ANTXR2: variants seen among roughly 807,000 people sequenced by gnomAD.
ANTXR2 encodes anthrax toxin receptor 2.
A neutral mutation model predicts 73.7 loss-of-function variants in ANTXR2; 44 were observed. The observed-to-expected ratio is 0.60, with a 90% CI of 0.47 to 0.77. The LOEUF is 0.77. Ranked by LOEUF, ANTXR2 falls within the 30% of genes least tolerant of loss-of-function variation. The probability of loss-of-function intolerance (pLI) is 0.00; values close to 1 mark genes in which losing one functional copy is unlikely to be tolerated. For synonymous variants in ANTXR2, 217 were observed against 205.9 expected, an observed-to-expected ratio of 1.05 and a Z score of -0.46; for missense variants, 604 against 592.5, an observed-to-expected ratio of 1.02 and a Z score of -0.20.
chr4:80,060,477 TC>T, intron 3 of ANTXR2, among the ~76,000 whole-genome samples: 1 of 152,320 alleles, frequency 6.6e-6, no homozygotes, highest in South Asian at 2.1e-4. Context: ...AATAGGATAA[TC>T]TCTTAAACCA....
chr4:80,024,626 G>A (rs576072982), intron 10 of ANTXR2: 12 of 410,682 alleles, frequency 2.9e-5, no homozygotes, highest in Middle Eastern at 6.5e-4. Flanking sequence ...GCAGGGTGTG[G>A]TGGTACATGC....
At chr4:80,043,415 G>A (rs370681282) in intron 7 of ANTXR2, among the ~76,000 whole-genome samples, 1 of 151,984 alleles carries the variant, frequency 6.6e-6, no homozygotes, top group Admixed American at 6.6e-5. Context: ...AGTCTGTCAT[G>A]TATTAACATG....
intron 16 of ANTXR2, among the ~76,000 whole-genome samples, chr4:79,927,030 T>C (rs1486694096): frequency 1.7e-5 from 2 of 116,194 alleles, no homozygotes; most frequent in Non-Finnish European, 1.9e-5. Context: ...TATGTGTATA[T>C]ATGTGTGTAT....
intron 12 of ANTXR2, among the ~76,000 whole-genome samples, chr4:80,008,051 T>C (rs1188950220): frequency 1.3e-5 from 2 of 152,274 alleles, no homozygotes; most frequent in South Asian, 2.1e-4. Context: ...TTAACAGATA[T>C]GCTGACAATT....
At chr4:79,931,097 C>A (rs907319801) in intron 16 of ANTXR2, among the ~76,000 whole-genome samples, 12 of 152,164 alleles carry the variant, frequency 7.9e-5, no homozygotes, top group Admixed American at 7.2e-4. Flanking sequence ...TTCGAGTGGT[C>A]TACCAAATCT....
In ANTXR2 at chr4:79,963,965, ATTAG is replaced by A. The variant is rs542530437; in HGVS notation, c.1428+13652_1428+13655del. Among the ~76,000 whole-genome samples, 83 of 152,332 alleles carry A rather than the reference ATTAG, an allele frequency of 5.4e-4. 3 individuals carry two copies. In the South Asian group the frequency reaches 7.7e-3, roughly 14 times the overall value. On this transcript the variant is annotated intron_variant, in intron 16 of 16. Transcript: ENST00000403729. ...AGGAATGAAGTCTTTATGAATAGGAATTAGTTAAAGTCAATTCAATTTTGTAAAT... is the reference window on the plus strand; with the variant it reads ...AGGAATGAAGTCTTTATGAATAGGAATTAAAGTCAATTCAATTTTGTAAAT...
At chr4:79,936,670 G>C (rs763010949) in intron 16 of ANTXR2, among the ~76,000 whole-genome samples, 1 of 152,036 alleles carries the variant, frequency 6.6e-6, no homozygotes, top group African/African-American at 2.4e-5. Context: ...TTTATTAAAC[G>C]TAAAAGGGAA....
intron 16 of ANTXR2, among the ~76,000 whole-genome samples, chr4:79,930,677 A>G (rs1237512287): frequency 6.6e-6 from 1 of 152,022 alleles, no homozygotes; most frequent in Non-Finnish European, 1.5e-5. Flanking sequence ...CCTTGCAACT[A>G]TTACCTCCCA....
chr4:80,034,952 A>C (rs1482851055), intron 8 of ANTXR2, among the ~76,000 whole-genome samples: 3 of 152,166 alleles, frequency 2.0e-5, no homozygotes, highest in Non-Finnish European at 2.9e-5. Context: ...CAAGTCAGAC[A>C]GGAAAGGGTC....
In ANTXR2 at chr4:79,907,458, T is replaced by C. The variant is rs749380201; in HGVS notation, c.1438A>G (p.Ile480Val). 1.2e-6 allele frequency: 2 copies of C among 1,613,146 alleles called. No individual in the cohort carries two copies. Among genetic ancestry groups the C allele is most frequent in the African/African-American group, 2.7e-5 (2 of 74,888 alleles). Residue 480 changes from isoleucine to valine, a missense_variant, in exon 17 of 17, where the codon ATA becomes GTA. Physicochemically the swap from Ile to Val is conservative, Grantham distance 29. Coordinates refer to ENST00000403729, the MANE Select transcript of ANTXR2 (RefSeq NM_058172.6). ...RPQEGDEGRC[I>V]NFSRVPSQ ...TGAGATGGAACTCGGGAGAAGTTTA[T>C]GCACCGGCCCTGAAGAAAGAAATAA...
intron 10 of ANTXR2, among the ~76,000 whole-genome samples, chr4:80,020,950 C>T (rs973826118): frequency 6.6e-6 from 1 of 151,746 alleles, no homozygotes; most frequent in Non-Finnish European, 1.5e-5. Flanking sequence ...AGATTGAGAC[C>T]ATCCTGGCTA....
At chr4:80,051,353 A>C (rs1339967459) in intron 7 of ANTXR2, among the ~76,000 whole-genome samples, 1 of 151,764 alleles carries the variant, frequency 6.6e-6, no homozygotes, top group Non-Finnish European at 1.5e-5. Flanking sequence ...TTTAGAGAGA[A>C]TATGTCTTAT....
At chr4:79,919,023 TG>T (rs1727465433) in intron 16 of ANTXR2, among the ~76,000 whole-genome samples, 1 of 151,004 alleles carries the variant, frequency 6.6e-6, no homozygotes, top group African/African-American at 2.4e-5. Context: ...GAGCAAGCAA[TG>T]AAAAACAAGA....
chr4:79,954,703 T>C (rs1304812782), intron 16 of ANTXR2, among the ~76,000 whole-genome samples: 1 of 152,176 alleles, frequency 6.6e-6, no homozygotes, highest in African/African-American at 2.4e-5. Flanking sequence ...ATCTAATTAA[T>C]AAAGAATATG....
chr4:80,019,033 ATTTT>A, intron 10 of ANTXR2, 57 bp from the exon 11 acceptor site: 1 of 1,181,184 alleles, frequency 8.5e-7, no homozygotes, highest in African/African-American at 1.6e-5. Flanking sequence ...GGAGTAGGAG[ATTTT>A]TATTTCCTTA....
At chr4:79,990,394 A>AAAAAAAAC (rs1195400717) in intron 12 of ANTXR2, among the ~76,000 whole-genome samples, 10 of 150,748 alleles carry the variant, frequency 6.6e-5, no homozygotes, top group Non-Finnish European at 5.9e-5. Context: ...AAAAAAAAAA[A>AAAAAAAAC]AAAAAAAACA....
rs1197248668 is a variant in ANTXR2 at position 79,905,105 on chromosome 4, T to C, written c.*2324A>G. ...TTAAGAGCTCTTCATAGTAGCTGTA[T>C]AACAATCTACAGAAAGTTATTTTTC... On this transcript the variant is annotated 3_prime_UTR_variant, in exon 17 of 17. Transcript: ENST00000403729. 2.6e-5 allele frequency: 4 copies of C among 152,212 alleles called. No individual in the cohort carries two copies. The highest frequency in any genetic ancestry group is 5.9e-5 in the Non-Finnish European group (4 of 68,028). 9.4% of individuals were successfully genotyped at this position (152,212 alleles called of 1,614,324 possible).
intron 10 of ANTXR2, among the ~76,000 whole-genome samples, chr4:80,022,180 T>G (rs546290289): frequency 6.6e-6 from 1 of 152,368 alleles, no homozygotes; most frequent in African/African-American, 2.4e-5. Context: ...AGTATGAGTT[T>G]CATTTGAATC....
At chr4:79,924,664 CAG>C (rs1372283874) in intron 16 of ANTXR2, among the ~76,000 whole-genome samples, 1 of 152,052 alleles carries the variant, frequency 6.6e-6, no homozygotes, top group East Asian at 1.9e-4. Flanking sequence ...GACTAGAACA[CAG>C]AGATTTTTTA....
Sources: gnomAD v4.1 joint callset for allele counts (sites outside exome capture counted in the v4.1 genomes callset) on GRCh38, gnomAD v4.1.1 for gene constraint, MANE v1.5 for transcripts, NCBI Gene and HGNC (gene_info 2026-07-23, HGNC 2026-07-21) for gene names.